TRRAP: variants seen among roughly 807,000 people sequenced by gnomAD.
TRRAP encodes transformation/transcription domain associated protein, also known as transformation/transcription domain-associated protein.
TRRAP carries 41 observed loss-of-function variants against 438.8 expected under a neutral mutation model. The ratio of observed to expected loss-of-function variants is 0.09; its 90% CI spans 0.07 to 0.12. The LOEUF (loss-of-function observed/expected upper bound fraction) is 0.12. Ranked by LOEUF, TRRAP falls within the 10% of genes least tolerant of loss-of-function variation. The pLI is 1.00. For missense variants in TRRAP, 3,122 were observed against 5,055.1 expected, an observed-to-expected ratio of 0.62 and a Z score of 11.60; for synonymous variants, 1,994 against 1,962.9, an observed-to-expected ratio of 1.02 and a Z score of -0.42.
chr7:98,988,399 A>G (rs191653046), intron 62 of TRRAP, among the ~76,000 whole-genome samples: 191 of 152,354 alleles, frequency 1.3e-3, no homozygotes, highest in Non-Finnish European at 1.3e-3. Flanking sequence ...TTTATGTTCT[A>G]TGTGTGCAAT....
chr7:98,922,207 T>A (rs894969194), intron 21 of TRRAP, among the ~76,000 whole-genome samples: 2 of 152,118 alleles, frequency 1.3e-5, no homozygotes, highest in African/African-American at 4.8e-5. Context: ...CATCCCGCCG[T>A]GAACTCCTTC....
chr7:98,992,268 C>T (rs1388226945), intron 65 of TRRAP, 41 bp downstream of exon 65: 10 of 1,604,400 alleles, frequency 6.2e-6, no homozygotes, highest in African/African-American at 1.3e-5. Flanking sequence ...CCGGGAAGGG[C>T]TCATTCCAGG....
chr7:98,953,042 TG>T lies in TRRAP; in HGVS notation c.5464-124del. Reference sequence around the variant, plus strand: ...AACTTCATGTTACATTGTGTGTGTGTGTGTGTGTGTGTGTGTGTGTGTGTGT... The same window carrying T: ...AACTTCATGTTACATTGTGTGTGTGTTGTGTGTGTGTGTGTGTGTGTGTGT... On this transcript the variant is annotated intron_variant, in intron 39 of 72. Coordinates refer to ENST00000456197, the MANE Select transcript of TRRAP (RefSeq NM_001375524.1). 1.1e-4 allele frequency: 4 copies of T among 35,626 alleles called. 1 individual carries two copies. The highest frequency in any genetic ancestry group is 5.0e-4 in the Non-Finnish European group (4 of 7,970). The allele number at this position is 35,626 out of a possible 1,614,324, so 2.2% of individuals were successfully genotyped here. A position where few individuals can be genotyped will look rare whatever the true frequency, so the allele number is the denominator to read the frequency against.
chr7:98,972,826 G>C (rs887358877), intron 53 of TRRAP, among the ~76,000 whole-genome samples: 5 of 152,210 alleles, frequency 3.3e-5, no homozygotes, highest in Non-Finnish European at 7.3e-5. Flanking sequence ...TGTTGAACTT[G>C]TGCACTGGAT....
At position 98,910,218 on chromosome 7, in the gene TRRAP, G is replaced by GGCCCCCCCCCCCCC; in HGVS notation, c.1513_1514insGCCCCCCCCCCCCC (p.Ala505GlyfsTer20). 4 of 1,377,602 alleles carry GGCCCCCCCCCCCCC rather than the reference G, an allele frequency of 2.9e-6. No individual in the cohort carries two copies. Among genetic ancestry groups the GGCCCCCCCCCCCCC allele is most frequent in the South Asian group, 1.7e-5 (1 of 59,004 alleles). 85.3% of individuals were successfully genotyped at this position (1,377,602 alleles called of 1,614,324 possible). On this transcript the variant is annotated frameshift_variant, in exon 15 of 73. Coordinates refer to ENST00000456197, the MANE Select transcript of TRRAP (RefSeq NM_001375524.1). LOFTEE classifies it high-confidence loss of function. ...TGCTCCCTCCCCAGCCCCTGTCCCT[G>GGCCCCCCCCCCCCC]CCCCACCTCCACCCCCGCCCCCACC...
At chr7:98,879,428 G>T (rs1359031051) in intron 1 of TRRAP, among the ~76,000 whole-genome samples, 2 of 152,156 alleles carry the variant, frequency 1.3e-5, no homozygotes, top group Non-Finnish European at 2.9e-5. Context: ...GATGGGCAGG[G>T]AGAGGCCGTG....
intron 2 of TRRAP, 92 bp from the exon 3 acceptor site, chr7:98,881,883 T>G: frequency 7.2e-7 from 1 of 1,392,104 alleles, no homozygotes; most frequent in Admixed American, 2.0e-5. Context: ...AAGATCTGAT[T>G]GCTTCTCTTA....
intron 37 of TRRAP, 45 bp from the exon 38 acceptor site, chr7:98,950,019 G>A (rs373764583): frequency 4.3e-6 from 7 of 1,610,480 alleles, no homozygotes; most frequent in Non-Finnish European, 5.9e-6. Flanking sequence ...AGTTGTTAAT[G>A]AAATTTGCTC....
Position 98,994,242 on chromosome 7 carries a change from T to G in TRRAP, c.10048-345T>G, listed in dbSNP as rs549126155. ...GCTGTGAAGTCTCGTGTGTGCACAG[T>G]GCACGCAGACACGCGGTGGGAACAG... On this transcript the variant is annotated intron_variant, in intron 66 of 72. Transcript: ENST00000456197. This position sits in a 1 kb window ranked among gnomAD's most constrained non-coding sequence, Gnocchi z 4.8. Among the ~76,000 whole-genome samples, 7 of 152,334 alleles carry G rather than the reference T, an allele frequency of 4.6e-5. No individual in the cohort carries two copies. Among genetic ancestry groups the G allele is most frequent in the Admixed American group, 2.0e-4 (3 of 15,302 alleles).
Position 99,005,486 on chromosome 7 carries a change from T to C in TRRAP, c.10753+138T>C, listed in dbSNP as rs1376368706. 1.2e-6 allele frequency: 1 copy of C among 801,688 alleles called. No individual in the cohort carries two copies. Among genetic ancestry groups the C allele is most frequent in the Non-Finnish European group, 2.0e-6 (1 of 501,020 alleles). The allele number at this position is 801,688 out of a possible 1,614,324, so 49.7% of individuals were successfully genotyped here. A position where few individuals can be genotyped will look rare whatever the true frequency, so the allele number is the denominator to read the frequency against. On this transcript the variant is annotated intron_variant, in intron 69 of 72. Coordinates refer to ENST00000456197, the MANE Select transcript of TRRAP (RefSeq NM_001375524.1). The surrounding 1 kb of genome is among the most constrained non-coding windows in gnomAD (Gnocchi z 5.1). Reference sequence around the variant, plus strand: ...TGCGTCAGCAGAGAATGTTGTAGTCTGTGCTGACCAGGGAAGGCCTCAGGA... The same window carrying C: ...TGCGTCAGCAGAGAATGTTGTAGTCCGTGCTGACCAGGGAAGGCCTCAGGA...
rs568549037 is a variant in TRRAP at position 98,964,037 on chromosome 7, C to T, written c.6830-592C>T. 4.7e-5 allele frequency among the ~76,000 whole-genome samples: 7 copies of T among 148,368 alleles called. No individual in the cohort carries two copies. In the East Asian group the frequency reaches 9.9e-4, roughly 21 times the overall value. ...CAGAGGTTGCAGTGAGCCGAGATTA[C>T]GCCACTGCACTCCAGCCTGGGTGAT... On this transcript the variant is annotated intron_variant, in intron 47 of 72. Coordinates refer to ENST00000456197, the MANE Select transcript of TRRAP (RefSeq NM_001375524.1).
chr7:98,895,082 T>A (rs1243595755), intron 6 of TRRAP, among the ~76,000 whole-genome samples: 2 of 152,258 alleles, frequency 1.3e-5, no homozygotes, highest in South Asian at 2.1e-4. Context: ...TTTAAAAAAA[T>A]TTTTGTAGAG....
rs112173188 is a variant in TRRAP, at chr7:98,956,924, G to C, written c.6231+391G>C. 1.6e-3 allele frequency among the ~76,000 whole-genome samples: 249 copies of C among 152,042 alleles called. 2 individuals carry two copies. Among genetic ancestry groups the C allele is most frequent in the African/African-American group, 5.7e-3 (237 of 41,476 alleles). ...GGTCCTGGGTATTGCCCCTTGTGGA[G>C]TGGTGGCCCTAGGAGCCCTGAGTCT... On this transcript the variant is annotated intron_variant, in intron 43 of 72. Transcript: ENST00000456197. This position sits in a 1 kb window ranked among gnomAD's most constrained non-coding sequence, Gnocchi z 4.5.
intron 19 of TRRAP, among the ~76,000 whole-genome samples, chr7:98,916,628 C>T (rs1176835814): frequency 6.6e-6 from 1 of 152,178 alleles, no homozygotes; most frequent in African/African-American, 2.4e-5. Context: ...TAACCTGGCT[C>T]CATGTCCGGA....
Position 99,012,548 on chromosome 7 carries a change from T to A in TRRAP, c.*193T>A. 1.5e-6 allele frequency: 1 copy of A among 688,572 alleles called. No individual in the cohort carries two copies. Among genetic ancestry groups the A allele is most frequent in the Non-Finnish European group, 2.3e-6 (1 of 430,152 alleles). 42.7% of individuals were successfully genotyped at this position (688,572 alleles called of 1,614,324 possible). ...TTTAGAGGAAGCTGAACTATGACGA[T>A]GCTGGGCGAAGCGGTTGGAAATGGC... is the stretch of plus-strand genomic sequence containing the variant. On this transcript the variant is annotated 3_prime_UTR_variant, in exon 73 of 73. Coordinates refer to ENST00000456197, the MANE Select transcript of TRRAP (RefSeq NM_001375524.1). This position sits in a 1 kb window ranked among gnomAD's most constrained non-coding sequence, Gnocchi z 5.9.
intron 3 of TRRAP, among the ~76,000 whole-genome samples, chr7:98,886,287 ATATC>A (rs1432813595): frequency 2.0e-5 from 3 of 151,962 alleles, no homozygotes; most frequent in South Asian, 4.1e-4. Flanking sequence ...ATCTATATCT[ATATC>A]TATCTATCAT....
Position 98,931,525 on chromosome 7 carries a change from T to G in TRRAP, c.3712T>G (p.Phe1238Val), listed in dbSNP as rs1554412895. Residue 1238 changes from phenylalanine (F) to valine (V), a missense_variant, in exon 26 of 73, where the codon TTC becomes GTC. Coordinates refer to ENST00000456197, the MANE Select transcript of TRRAP (RefSeq NM_001375524.1). Reference protein sequence around the residue: ...EEIVAAQEKSFHHVTHDLVRE... With the variant: ...EEIVAAQEKSVHHVTHDLVRE... ...GATCGTGGCCGCCCAGGAAAAGTCTTTCCACCATGTGACACACGACTTGGT... is the reference window on the plus strand; with the variant it reads ...GATCGTGGCCGCCCAGGAAAAGTCTGTCCACCATGTGACACACGACTTGGT... 1.2e-6 allele frequency: 2 copies of G among 1,614,150 alleles called. No individual in the cohort carries two copies.
At position 99,005,479 on chromosome 7, in the gene TRRAP, T is replaced by G. The variant is rs1239190989; in HGVS notation, c.10753+131T>G. The G allele has an allele frequency of 1.2e-6, 1 of 851,768 alleles. No homozygotes were observed. Among genetic ancestry groups the G allele is most frequent in the East Asian group, 2.6e-5 (1 of 39,056 alleles). The allele number at this position is 851,768 out of a possible 1,614,324, so 52.8% of individuals were successfully genotyped here. ...GTCCAGCTGCGTCAGCAGAGAATGT[T>G]GTAGTCTGTGCTGACCAGGGAAGGC... On this transcript the variant is annotated intron_variant, in intron 69 of 72. Coordinates refer to ENST00000456197, the MANE Select transcript of TRRAP (RefSeq NM_001375524.1). This position sits in a 1 kb window ranked among gnomAD's most constrained non-coding sequence, Gnocchi z 5.1.
chr7:98,879,354 G>C (rs1795315097), intron 1 of TRRAP, among the ~76,000 whole-genome samples: 1 of 152,242 alleles, frequency 6.6e-6, no homozygotes, highest in African/African-American at 2.4e-5. Context: ...AGTTTGGACA[G>C]GACTAGGGAG....
Sources: gnomAD v4.1 joint callset for allele counts (sites outside exome capture counted in the v4.1 genomes callset) on GRCh38, gnomAD v4.1.1 for gene constraint, Gnocchi (gnomAD v3.1) non-coding constraint, MANE v1.5 for transcripts, NCBI Gene and HGNC (gene_info 2026-07-23, HGNC 2026-07-21) for gene names.